DTWD1: variants seen among roughly 807,000 people sequenced by gnomAD.
DTWD1 encodes the protein tRNA-uridine aminocarboxypropyltransferase 1.
DTWD1 carries 27 observed loss-of-function variants against 30.2 expected under a neutral mutation model. That is an observed-to-expected ratio of 0.90 (90% CI 0.66 to 1.23). The LOEUF is 1.23. Ranked by LOEUF, DTWD1 falls within the 50% of genes most tolerant of loss-of-function variation. The pLI, the probability that DTWD1 is intolerant of heterozygous loss-of-function variation, is 0.00. For missense variants in DTWD1, 342 were observed against 348.8 expected (o/e 0.98, Z 0.15); for synonymous variants, 99 against 113.1 (o/e 0.88, Z 0.79).
chr15:49,633,067 A>ATATATATATATATATG (rs1190348148), intron 3 of DTWD1, among the ~76,000 whole-genome samples: 7 of 144,770 alleles, frequency 4.8e-5, no homozygotes, highest in South Asian at 2.1e-4. Context: ...ATATATATAT[A>ATATATATATATATATG]TATGTATTTT....
In DTWD1 at chr15:49,626,816, G is replaced by A. The variant is rs775506187; in HGVS notation, c.264+1385G>A. 11 of 428,318 alleles carry A rather than the reference G, an allele frequency of 2.6e-5. No individual in the cohort carries two copies. The East Asian group carries it at 7.0e-4, about 27-fold the overall frequency. 26.5% of individuals were successfully genotyped at this position (428,318 alleles called of 1,614,324 possible). ...AATCACATGTATAGGCTAATGGAAA[G>A]TTTACTAGCCAAGAATAAGTAAGTG... On this transcript the variant is annotated intron_variant, in intron 2 of 4. Transcript: ENST00000403028.
chr15:49,630,514 T>C (rs2078905316), intron 2 of DTWD1, among the ~76,000 whole-genome samples: 2 of 152,304 alleles, frequency 1.3e-5, no homozygotes, highest in South Asian at 4.1e-4. Context: ...AAGGGAGATA[T>C]GATTTGGCAT....
At chr15:49,628,697 T>C (rs2078877872) in intron 2 of DTWD1, among the ~76,000 whole-genome samples, 1 of 152,198 alleles carries the variant, frequency 6.6e-6, no homozygotes, top group Non-Finnish European at 1.5e-5. Context: ...CAGATTGATA[T>C]TCTTTACTTG....
chr15:49,623,427 T>C (rs75553418), intron 1 of DTWD1, among the ~76,000 whole-genome samples: 3 of 125,756 alleles, frequency 2.4e-5, no homozygotes, highest in African/African-American at 1.3e-4. Context: ...CTTCCCAAGC[T>C]TTTTTTTTTT....
intron 3 of DTWD1, among the ~76,000 whole-genome samples, chr15:49,633,855 C>G (rs1272160479): frequency 1.3e-5 from 2 of 152,096 alleles, no homozygotes; most frequent in Non-Finnish European, 2.9e-5. Context: ...ATATAAATCT[C>G]AGTAAAAATG....
At chr15:49,633,041 ATC>A (rs1355573919) in intron 3 of DTWD1, among the ~76,000 whole-genome samples, 7 of 127,404 alleles carry the variant, frequency 5.5e-5, no homozygotes, top group Admixed American at 1.6e-4. Context: ...TCCTATTTAT[ATC>A]TATATCTATA....
chr15:49,629,521 C>CT (rs1456954083), intron 2 of DTWD1: 1 of 152,068 alleles, frequency 6.6e-6, no homozygotes, highest in Non-Finnish European at 1.5e-5. Flanking sequence ...GATCTGCTTT[C>CT]TTTTTCTTTT....
At chr15:49,636,148 T>A (rs2078999532) in intron 4 of DTWD1, among the ~76,000 whole-genome samples, 1 of 152,200 alleles carries the variant, frequency 6.6e-6, no homozygotes. Flanking sequence ...ATAAATAACT[T>A]GACACTCATT....
chr15:49,635,830 GA>G (rs1041153715), intron 4 of DTWD1, among the ~76,000 whole-genome samples: 1 of 152,048 alleles, frequency 6.6e-6, no homozygotes, highest in Non-Finnish European at 1.5e-5. Flanking sequence ...TTTTGAGTAA[GA>G]ATTAACATGT....
chr15:49,628,752 CTA>C (rs1351575088), intron 2 of DTWD1, among the ~76,000 whole-genome samples: 1 of 151,962 alleles, frequency 6.6e-6, no homozygotes, highest in Non-Finnish European at 1.5e-5. Flanking sequence ...CTGGTCAACA[CTA>C]TTTTTTTTTT....
At chr15:49,625,488 C>G in intron 2 of DTWD1, 57 bp downstream of exon 2, 1 of 1,393,382 alleles carries the variant, frequency 7.2e-7, no homozygotes, top group African/African-American at 1.4e-5. Flanking sequence ...AAAAACATCT[C>G]ATGTATACCT....
Position 49,634,054 on chromosome 15 carries a change from A to G in DTWD1, c.409-482A>G, listed in dbSNP as rs572669860. ...GAATATTTTAAGACTCTTGATTTAA[A>G]TGGTCAAATTGCTTCCATGAAGAGT... On this transcript the variant is annotated intron_variant, in intron 3 of 4. Coordinates refer to ENST00000403028, the MANE Select transcript of DTWD1 (RefSeq NM_001144955.2). 1.2e-4 allele frequency among the ~76,000 whole-genome samples: 18 copies of G among 152,308 alleles called. No individual in the cohort carries two copies. In the South Asian group the frequency reaches 3.7e-3, roughly 32 times the overall value.
intron 1 of DTWD1, among the ~76,000 whole-genome samples, chr15:49,622,113 A>C (rs112809793): frequency 5.3e-5 from 8 of 152,284 alleles, no homozygotes; most frequent in African/African-American, 1.9e-4. Context: ...TGAGATGCTT[A>C]CTGGATGTGT....
At chr15:49,627,804 G>A (rs1201951000) in intron 2 of DTWD1, among the ~76,000 whole-genome samples, 4 of 152,144 alleles carry the variant, frequency 2.6e-5, no homozygotes, top group African/African-American at 7.2e-5. Context: ...TTCTTGGTGA[G>A]TCAGTGGTGA....
chr15:49,640,492 T>C (rs1243790542), intron 4 of DTWD1, among the ~76,000 whole-genome samples: 2 of 152,114 alleles, frequency 1.3e-5, no homozygotes, highest in Admixed American at 6.6e-5. Flanking sequence ...AATATTCACC[T>C]TTACAGGATA....
rs1167287134 is a variant in DTWD1 at position 49,643,759 on chromosome 15, A to T, written c.*181A>T. The T allele has an allele frequency of 3.3e-6, 2 of 599,776 alleles. No individual in the cohort carries two copies. The highest frequency in any genetic ancestry group is 5.0e-6 in the Non-Finnish European group (2 of 398,974). The allele number at this position is 599,776 out of a possible 1,614,324, so 37.2% of individuals were successfully genotyped here. On this transcript the variant is annotated 3_prime_UTR_variant, in exon 5 of 5. Transcript: ENST00000403028. Reference sequence around the variant, plus strand: ...AATTGTATCTGGGGGAATTTTTCAGAGATACTGTTGATTGAAAAACTTACT... The same window carrying T: ...AATTGTATCTGGGGGAATTTTTCAGTGATACTGTTGATTGAAAAACTTACT...
In DTWD1 at chr15:49,643,306, CTTTTT is replaced by C. The variant is rs5812490; in HGVS notation, c.668-10_668-6del. The C allele has an allele frequency of 7.6e-4, 912 of 1,196,406 alleles. No individual in the cohort carries two copies. Among genetic ancestry groups the C allele is most frequent in the South Asian group, 1.0e-3 (47 of 46,980 alleles). 74.1% of individuals were successfully genotyped at this position (1,196,406 alleles called of 1,614,324 possible). On this transcript the variant is annotated intron_variant, in intron 4 of 4. Coordinates refer to ENST00000403028, the MANE Select transcript of DTWD1 (RefSeq NM_001144955.2). ...ATTTATATTTTTTCTTTCTTTCTTT[CTTTTT>C]TTTTTTTTTTTTTTGACAGGGTTGT... is the stretch of plus-strand genomic sequence containing the variant.
intron 4 of DTWD1, among the ~76,000 whole-genome samples, chr15:49,635,408 T>G (rs2078987830): frequency 6.6e-6 from 1 of 152,222 alleles, no homozygotes; most frequent in Admixed American, 6.5e-5. Context: ...ATAAACACCC[T>G]AATGGTGAAT....
chr15:49,622,659 C>T (rs995461657), intron 1 of DTWD1, among the ~76,000 whole-genome samples: 2 of 152,138 alleles, frequency 1.3e-5, no homozygotes, highest in South Asian at 4.1e-4. Context: ...TTTTAAATAA[C>T]CCCATTTGCA....
Sources: allele counts gnomAD v4.1 joint callset (sites outside exome capture counted in the v4.1 genomes callset), GRCh38; gene constraint gnomAD v4.1.1; transcripts MANE v1.5; gene names NCBI Gene and HGNC (gene_info 2026-07-23, HGNC 2026-07-21).